Variants in ITGB4 observed in about 807,000 individuals in gnomAD.
The protein encoded by ITGB4 is integrin beta-4.
In ITGB4, 159 loss-of-function variants were observed where a neutral mutation model predicts 207.6. The observed-to-expected ratio is 0.77, with a 90% CI of 0.67 to 0.87. ITGB4 has a LOEUF of 0.87. Ranked by LOEUF, ITGB4 falls within the 40% of genes least tolerant of loss-of-function variation. ITGB4 has a pLI of 0.00. For missense variants in ITGB4, 2,278 were observed against 2,546.8 expected (o/e 0.89, Z 2.27); for synonymous variants, 1,020 against 1,062.7 (o/e 0.96, Z 0.78).
Position 75,740,866 on chromosome 17 carries a change from G to A in ITGB4, c.2609+15G>A. On this transcript the variant is annotated intron_variant, in intron 22 of 39. Transcript: ENST00000200181. The surrounding 1 kb of genome is among the most constrained non-coding windows in gnomAD (Gnocchi z 5.9). ...ACCAAGTTCCGGTGAGTCCCGGGGT[G>A]CCCGGGTTGGGTGGGGGAGCCGCTC... The A allele has an allele frequency of 6.2e-7, 1 of 1,613,658 alleles. No homozygotes were observed. Among genetic ancestry groups the A allele is most frequent in the Admixed American group, 1.7e-5 (1 of 60,032 alleles).
rs57812564 is a variant in ITGB4 at position 75,756,708 on chromosome 17, C to T, written c.4902C>T (p.Ser1634=). 6.3e-5 allele frequency: 101 copies of T among 1,613,438 alleles called. No individual in the cohort carries two copies. The South Asian group carries it at 8.5e-4, about 14-fold the overall frequency. Reference sequence around the variant, plus strand: ...CTCTTCCTCTACTGCCCCCAGGCTCCGCCTTCACTTTGAGCACTCCCAGTG... The same window carrying T: ...CTCTTCCTCTACTGCCCCCAGGCTCTGCCTTCACTTTGAGCACTCCCAGTG... ...PQSPLCPLPG[S]AFTLSTPSAP... is the part of the protein sequence containing the mutation. The change falls in exon 37 of 40, where the codon TCC becomes TCT. Residue 1634 remains serine, a synonymous_variant. Coordinates refer to ENST00000200181, the MANE Select transcript of ITGB4 (RefSeq NM_000213.5).
chr17:75,756,345 C>T (rs530658683), intron 35 of ITGB4, 84 bp from the exon 36 acceptor site: 215 of 1,503,878 alleles, frequency 1.4e-4, no homozygotes, highest in African/African-American at 2.3e-4. Flanking sequence ...AACTAGGTCT[C>T]GATGGCAGCT....
At chr17:75,756,394 C>G (rs1599321487) in intron 35 of ITGB4, 35 bp from the exon 36 acceptor site, 1 of 1,610,444 alleles carries the variant, frequency 6.2e-7, no homozygotes, top group African/African-American at 1.3e-5. Flanking sequence ...GGGAGTAACA[C>G]TGCACTACTG....
intron 30 of ITGB4, chr17:75,751,891 C>T (rs1299483785): frequency 1.6e-5 from 8 of 506,942 alleles, no homozygotes; most frequent in South Asian, 6.0e-5. Context: ...GTGGAGGCAC[C>T]GTGGATATAT....
intron 18 of ITGB4, 27 bp downstream of exon 18, chr17:75,737,671 C>T (rs1320853422): frequency 3.1e-6 from 5 of 1,589,342 alleles, no homozygotes; most frequent in Non-Finnish European, 3.4e-6. Context: ...CCTCCCAAGG[C>T]CCCACATCCC....
chr17:75,756,580 C>T lies in ITGB4; in HGVS notation c.4860C>T (p.Ser1620=). The stretch of plus-strand genomic sequence containing the variant: ...GTGAGGGTGTCATCACCATTGAATC[C>T]CAGGTGCACCCGCAGAGCCCACTGT... ...REREGVITIE[S]QVHPQSPLCP... is the part of the protein sequence containing the mutation. Residue 1620 remains serine (S), a synonymous_variant, in exon 36 of 40, where the codon TCC becomes TCT. Coordinates refer to ENST00000200181, the MANE Select transcript of ITGB4 (RefSeq NM_000213.5). 6.2e-7 allele frequency: 1 copy of T among 1,613,020 alleles called. No homozygotes were observed.
At chr17:75,728,129 T>G (rs1294735154) in intron 5 of ITGB4, among the ~76,000 whole-genome samples, 1 of 152,200 alleles carries the variant, frequency 6.6e-6, no homozygotes, top group African/African-American at 2.4e-5. Flanking sequence ...TGGGGAAGCT[T>G]CTGCTCCTCA....
chr17:75,726,761 A>G (rs960544008), intron 2 of ITGB4, among the ~76,000 whole-genome samples: 1 of 150,570 alleles, frequency 6.6e-6, no homozygotes, highest in Admixed American at 6.6e-5. Flanking sequence ...TAAAAATACA[A>G]CAACAACAAC....
At position 75,742,567 on chromosome 17, in the gene ITGB4, C is replaced by T. The variant is rs1326895200; in HGVS notation, c.2783-15C>T. 9 of 1,613,658 alleles carry T rather than the reference C, an allele frequency of 5.6e-6. No individual in the cohort carries two copies. The highest frequency in any genetic ancestry group is 2.7e-5 in the African/African-American group (2 of 74,926). On this transcript the variant is annotated splice_polypyrimidine_tract_variant and intron_variant, in intron 24 of 39. Coordinates refer to ENST00000200181, the MANE Select transcript of ITGB4 (RefSeq NM_000213.5). This position sits in a 1 kb window ranked among gnomAD's most constrained non-coding sequence, Gnocchi z 5.9. ...CCTGTGACCCACCTCTGACCACCTC[C>T]GAACCCCCACCCAGACGCCCGGGGC...
In ITGB4 at chr17:75,739,867, C is replaced by T; in HGVS notation, c.2255-13C>T. 1 of 1,613,330 alleles carries T rather than the reference C, an allele frequency of 6.2e-7. No individual in the cohort carries two copies. On this transcript the variant is annotated splice_polypyrimidine_tract_variant and intron_variant, in intron 19 of 39. Transcript: ENST00000200181. This position sits in a 1 kb window ranked among gnomAD's most constrained non-coding sequence, Gnocchi z 5.4. The stretch of plus-strand genomic sequence containing the variant: ...CTAGGGAGGGGTGCCGTGCTGAGGA[C>T]CCCATCCTGCAGGTCACATGGTGGG...
At position 75,730,413 on chromosome 17, in the gene ITGB4, A is replaced by T; in HGVS notation, c.911A>T (p.Tyr304Phe). The change falls in exon 8 of 40, where the codon TAC becomes TTC. Residue 304 changes from tyrosine to phenylalanine, a missense_variant. Coordinates refer to ENST00000200181, the MANE Select transcript of ITGB4 (RefSeq NM_000213.5). ...GTYTQYRTQDYPSVPTLVRLL... is the reference protein window; with the variant it reads ...GTYTQYRTQDFPSVPTLVRLL... ...TACACCCAGTACAGGACACAGGACTACCCGTCGGTGCCCACCCTGGTGCGC... is the reference window on the plus strand; with the variant it reads ...TACACCCAGTACAGGACACAGGACTTCCCGTCGGTGCCCACCCTGGTGCGC... The T allele has an allele frequency of 6.2e-7, 1 of 1,614,016 alleles. No individual in the cohort carries two copies. The highest frequency in any genetic ancestry group is 1.1e-5 in the South Asian group (1 of 91,088).
chr17:75,752,068 C>T, intron 30 of ITGB4, 106 bp from the exon 31 acceptor site: 1 of 1,253,338 alleles, frequency 8.0e-7, no homozygotes, highest in Non-Finnish European at 1.2e-6. Context: ...CTTCCCCAGC[C>T]CCTGGGTGCC....
Position 75,740,414 on chromosome 17 carries a change from C to G in ITGB4, c.2503C>G (p.Pro835Ala), listed in dbSNP as rs183705877. The G allele has an allele frequency of 1.5e-4, 238 of 1,613,912 alleles. No individual in the cohort carries two copies. In the East Asian group the frequency reaches 4.5e-3, roughly 30 times the overall value. The stretch of plus-strand genomic sequence containing the variant: ...CCTTTGCACCGAGAACCTGCTGAAG[C>G]CTGACACTCGGGAGTGCGCCCAGCT... ...ARLCTENLLKPDTRECAQLRQ... is the reference protein window; with the variant it reads ...ARLCTENLLKADTRECAQLRQ... Residue 835 changes from proline (P) to alanine (A), a missense_variant, in exon 21 of 40, where the codon CCT (proline) becomes GCT (alanine). Transcript: ENST00000200181. This position sits in a 1 kb window ranked among gnomAD's most constrained non-coding sequence, Gnocchi z 5.9.
intron 39 of ITGB4, 21 bp downstream of exon 39, chr17:75,757,331 G>T (rs2061540665): frequency 6.2e-7 from 1 of 1,612,680 alleles, no homozygotes. Flanking sequence ...AGGGCTAGGG[G>T]ATCCCGGCTC....
In ITGB4 at chr17:75,722,247, G is replaced by A. The variant is rs1013986471; in HGVS notation, c.-11+635G>A. ...CCTCACCCACCAGCCCCAGGGCTGTGCCCAACACTGCCACCTCCTGCAGCA... is the reference window on the plus strand; with the variant it reads ...CCTCACCCACCAGCCCCAGGGCTGTACCCAACACTGCCACCTCCTGCAGCA... On this transcript the variant is annotated intron_variant, in intron 1 of 39. Transcript: ENST00000200181. The surrounding 1 kb of genome is among the most constrained non-coding windows in gnomAD (Gnocchi z 6.2). Among the ~76,000 whole-genome samples, 8 of 152,206 alleles carry A rather than the reference G, an allele frequency of 5.3e-5. No homozygotes were observed. The highest frequency in any genetic ancestry group is 1.9e-4 in the African/African-American group (8 of 41,460).
rs767084857 is a variant in ITGB4 at position 75,729,221 on chromosome 17, G to A, written c.567-44G>A. 1.6e-5 allele frequency: 26 copies of A among 1,597,050 alleles called. No individual in the cohort carries two copies. Among genetic ancestry groups the A allele is most frequent in the Middle Eastern group, 1.7e-4 (1 of 6,024 alleles). The stretch of plus-strand genomic sequence containing the variant: ...AGCCAGGGGCACTGGGGTCTGCGGC[G>A]TCTTCCCCCTGTGACACTCTCTCTC... On this transcript the variant is annotated intron_variant, in intron 6 of 39. Coordinates refer to ENST00000200181, the MANE Select transcript of ITGB4 (RefSeq NM_000213.5). The surrounding 1 kb of genome is among the most constrained non-coding windows in gnomAD (Gnocchi z 4.4).
In ITGB4 at chr17:75,740,518, G is replaced by A. The variant is rs1417661349; in HGVS notation, c.2550+57G>A. ...ATGTGGGTATGAGGGCGGGTGAGGT[G>A]GGCAGGGCAGAGCGAATGCGGTCGT... On this transcript the variant is annotated intron_variant, in intron 21 of 39. Transcript: ENST00000200181. This position sits in a 1 kb window ranked among gnomAD's most constrained non-coding sequence, Gnocchi z 5.9. The A allele has an allele frequency of 7.2e-7, 1 of 1,387,032 alleles. No individual in the cohort carries two copies. Among genetic ancestry groups the A allele is most frequent in the Non-Finnish European group, 1.0e-6 (1 of 977,140 alleles). The allele number at this position is 1,387,032 out of a possible 1,614,324, so 85.9% of individuals were successfully genotyped here.
In ITGB4 at chr17:75,750,069, G is replaced by C. The variant is rs147093412; in HGVS notation, c.3317-42G>C. The C allele has an allele frequency of 5.8e-4, 937 of 1,612,854 alleles. 3 individuals are homozygous for C. In the African/African-American group the frequency reaches 8.2e-3, roughly 14 times the overall value. ...GTCTCTGGCGCCCCCTGGTGGTGAA[G>C]GGGGATCTGAGTGGTTGCCCGGCCC... On this transcript the variant is annotated intron_variant, in intron 27 of 39. Coordinates refer to ENST00000200181, the MANE Select transcript of ITGB4 (RefSeq NM_000213.5). This position sits in a 1 kb window ranked among gnomAD's most constrained non-coding sequence, Gnocchi z 5.5.
At chr17:75,741,186 A>C in intron 23 of ITGB4, 181 bp downstream of exon 23, 1 of 748,254 alleles carries the variant, frequency 1.3e-6, no homozygotes, top group Non-Finnish European at 2.3e-6. Flanking sequence ...TGCTAATGTG[A>C]AGTGCTTGCT....
Sources: gnomAD v4.1 joint callset for allele counts (sites outside exome capture counted in the v4.1 genomes callset) on GRCh38, gnomAD v4.1.1 for gene constraint, Gnocchi (gnomAD v3.1) non-coding constraint, MANE v1.5 for transcripts, NCBI Gene and HGNC (gene_info 2026-07-23, HGNC 2026-07-21) for gene names.